GTF2E1: variants seen among roughly 807,000 people sequenced by gnomAD.
GTF2E1 encodes the protein general transcription factor IIE subunit 1.
A neutral mutation model predicts 34.9 loss-of-function variants in GTF2E1; 14 were observed. That is an observed-to-expected ratio of 0.40 (90% CI 0.27 to 0.63). The LOEUF is 0.63. Ranked by LOEUF, GTF2E1 falls within the 20% of genes least tolerant of loss-of-function variation. GTF2E1 has a pLI of 0.39. For synonymous variants in GTF2E1, 188 were observed against 192.9 expected (o/e 0.97, Z 0.21); for missense variants, 469 against 557.7 (o/e 0.84, Z 1.60).
intron 1 of GTF2E1, among the ~76,000 whole-genome samples, chr3:120,747,569 G>C (rs1283120154): frequency 6.6e-6 from 1 of 152,164 alleles, no homozygotes; most frequent in Non-Finnish European, 1.5e-5. Flanking sequence ...CCCTACAAAG[G>C]ACATGAACTC....
chr3:120,771,806 T>C (rs960252135), intron 3 of GTF2E1, among the ~76,000 whole-genome samples: 2 of 152,228 alleles, frequency 1.3e-5, no homozygotes, highest in South Asian at 2.1e-4. Context: ...GTAAGAGTTA[T>C]GAATTTTCTA....
In GTF2E1 at chr3:120,769,853, T is replaced by C. The variant is rs145124536; in HGVS notation, c.449-875T>C. On this transcript the variant is annotated intron_variant, in intron 2 of 4. Coordinates refer to ENST00000283875, the MANE Select transcript of GTF2E1 (RefSeq NM_005513.3). ...GGATAGATGTAGATTAGGTGGCATT[T>C]AGACAATAAGAAGATGTATTTTAGG... Among the ~76,000 whole-genome samples the C allele has an allele frequency of 4.4e-3, 664 of 152,298 alleles. 4 individuals are homozygous for C. Among genetic ancestry groups the C allele is most frequent in the African/African-American group, 0.015 (621 of 41,570 alleles).
chr3:120,743,124 T>G (rs1175951187), intron 1 of GTF2E1: 2 of 155,878 alleles, frequency 1.3e-5, no homozygotes, highest in Admixed American at 6.2e-5. Context: ...TCGCGGTAGT[T>G]TGCCGCTGTG....
intron 1 of GTF2E1, among the ~76,000 whole-genome samples, chr3:120,744,831 A>G (rs1709091830): frequency 6.6e-6 from 1 of 152,156 alleles, no homozygotes; most frequent in African/African-American, 2.4e-5. Flanking sequence ...CCAGTACTTA[A>G]TTGAACTCTT....
rs371265830 is a variant in GTF2E1, at chr3:120,756,523, A to G, written c.448+5523A>G. On this transcript the variant is annotated intron_variant, in intron 2 of 4. Coordinates refer to ENST00000283875, the MANE Select transcript of GTF2E1 (RefSeq NM_005513.3). The stretch of plus-strand genomic sequence containing the variant: ...AATATATATAAAAATGAGTTATGGA[A>G]AGATAGGAACAAGTATCGTCCCTCT... Among the ~76,000 whole-genome samples, 119 of 152,236 alleles carry G rather than the reference A, an allele frequency of 7.8e-4. 1 individual carries two copies. Among genetic ancestry groups the G allele is most frequent in the African/African-American group, 2.8e-3 (115 of 41,536 alleles).
intron 2 of GTF2E1, among the ~76,000 whole-genome samples, chr3:120,755,477 T>C (rs1157283427): frequency 1.3e-5 from 2 of 152,166 alleles, no homozygotes; most frequent in African/African-American, 4.8e-5. Context: ...CTTTAAAAAT[T>C]TTTTTAATTA....
At position 120,782,592 on chromosome 3, in the gene GTF2E1, CTG is replaced by C. The variant is rs1211061038; in HGVS notation, c.*1123_*1124del. 2 of 152,214 alleles carry C rather than the reference CTG, an allele frequency of 1.3e-5. No individual in the cohort carries two copies. The highest frequency in any genetic ancestry group is 2.9e-5 in the Non-Finnish European group (2 of 68,046). 9.4% of individuals were successfully genotyped at this position (152,214 alleles called of 1,614,324 possible). ...GGAAATCCTTTATGTAAAGCTGAGA[CTG>C]GTCCTGGTTTTGTTCCCTTTGGGTA... On this transcript the variant is annotated 3_prime_UTR_variant, in exon 5 of 5. Coordinates refer to ENST00000283875, the MANE Select transcript of GTF2E1 (RefSeq NM_005513.3).
chr3:120,775,432 C>T (rs924504850), intron 3 of GTF2E1, among the ~76,000 whole-genome samples: 4 of 152,082 alleles, frequency 2.6e-5, no homozygotes, highest in African/African-American at 9.7e-5. Flanking sequence ...TAAAAAATAG[C>T]TGGACAGAGC....
intron 2 of GTF2E1, among the ~76,000 whole-genome samples, chr3:120,757,161 C>G (rs1559831024): frequency 6.6e-6 from 1 of 152,076 alleles, no homozygotes; most frequent in Non-Finnish European, 1.5e-5. Context: ...TTATTGAAAG[C>G]TTTAATATTC....
chr3:120,756,649 G>C (rs1486095066), intron 2 of GTF2E1, among the ~76,000 whole-genome samples: 1 of 152,008 alleles, frequency 6.6e-6, no homozygotes, highest in Non-Finnish European at 1.5e-5. Context: ...ATTTTGGCTG[G>C]GCACAGTGGC....
chr3:120,771,439 G>A (rs1709351199), intron 3 of GTF2E1, among the ~76,000 whole-genome samples: 3 of 152,018 alleles, frequency 2.0e-5, no homozygotes, highest in Non-Finnish European at 4.4e-5. Flanking sequence ...TTTTATCAGT[G>A]TTCCCTAATG....
At chr3:120,769,196 T>TAAAA (rs75846153) in intron 2 of GTF2E1, among the ~76,000 whole-genome samples, 7 of 133,302 alleles carry the variant, frequency 5.3e-5, no homozygotes, top group African/African-American at 1.9e-4. Context: ...ATCTTTTACC[T>TAAAA]AAAAAAAAAA....
rs763216362 is a variant in GTF2E1, at chr3:120,750,798, A to G, written c.246A>G (p.Ala82=). The change falls in exon 2 of 5, where the codon GCA becomes GCG. Residue 82 remains alanine (A), a synonymous_variant. Transcript: ENST00000283875. ...IKCRMRVETA[A]DGKTTRHNYY... is the part of the protein sequence containing the mutation. ...GCAGAATGAGGGTAGAGACTGCTGC[A>G]GACGGGAAAACCACTCGCCATAACT... 1.5e-5 allele frequency: 25 copies of G among 1,613,934 alleles called. No homozygotes were observed. The African/African-American group carries it at 2.5e-4, about 16-fold the overall frequency.
intron 4 of GTF2E1, among the ~76,000 whole-genome samples, chr3:120,780,469 T>C (rs1389414032): frequency 6.6e-6 from 1 of 152,140 alleles, no homozygotes; most frequent in Non-Finnish European, 1.5e-5. Context: ...TAGGAGTGTG[T>C]CTGATATGTA....
chr3:120,766,565 T>C (rs983796169), intron 2 of GTF2E1, among the ~76,000 whole-genome samples: 2 of 152,080 alleles, frequency 1.3e-5, no homozygotes, highest in African/African-American at 4.8e-5. Context: ...ATCTAGAATG[T>C]CCTGTTCCCT....
At chr3:120,743,947 A>G (rs1035986436) in intron 1 of GTF2E1, among the ~76,000 whole-genome samples, 5 of 152,142 alleles carry the variant, frequency 3.3e-5, no homozygotes, top group African/African-American at 1.2e-4. Context: ...TGGGGTAGGG[A>G]GGTGAGGCTG....
chr3:120,776,821 A>G lies in GTF2E1; in HGVS notation c.892+157A>G, dbSNP rs376792305. Among the ~76,000 whole-genome samples, 133 of 152,376 alleles carry G rather than the reference A, an allele frequency of 8.7e-4. 1 individual carries two copies. Among genetic ancestry groups the G allele is most frequent in the African/African-American group, 3.1e-3 (129 of 41,588 alleles). On this transcript the variant is annotated intron_variant, in intron 4 of 4. Coordinates refer to ENST00000283875, the MANE Select transcript of GTF2E1 (RefSeq NM_005513.3). ...GAAATTGAACAATAAGATAAAAACCAACTAGTATACTTCCATTGCCCTTCA... is the reference window on the plus strand; with the variant it reads ...GAAATTGAACAATAAGATAAAAACCGACTAGTATACTTCCATTGCCCTTCA...
chr3:120,780,197 T>C (rs1482883955), intron 4 of GTF2E1, among the ~76,000 whole-genome samples: 1 of 152,114 alleles, frequency 6.6e-6, no homozygotes, highest in Non-Finnish European at 1.5e-5. Context: ...GATATATCCA[T>C]GAATAAACAA....
intron 1 of GTF2E1, among the ~76,000 whole-genome samples, chr3:120,743,543 A>T (rs990901687): frequency 1.2e-4 from 18 of 152,208 alleles, no homozygotes; most frequent in Admixed American, 1.0e-3. Flanking sequence ...GGTGAACAAG[A>T]TGAAGTCTGG....
Sources: gnomAD v4.1 joint callset for allele counts (sites outside exome capture counted in the v4.1 genomes callset) on GRCh38, gnomAD v4.1.1 for gene constraint, MANE v1.5 for transcripts, NCBI Gene and HGNC (gene_info 2026-07-23, HGNC 2026-07-21) for gene names.